The following LHX8 variants were observed in gnomAD, a reference collection of about 807,000 sequenced individuals.
The protein encoded by LHX8 is LIM homeobox 8.
Under a neutral mutation model 40.3 loss-of-function variants are expected in LHX8, and 12 were observed. The observed-to-expected ratio is 0.30, with a 90% CI of 0.19 to 0.48. LHX8 has a LOEUF of 0.48. Ranked by LOEUF, LHX8 falls within the 20% of genes least tolerant of loss-of-function variation. The pLI, the probability that LHX8 is intolerant of heterozygous loss-of-function variation, is 0.99. For missense variants in LHX8, 344 were observed against 433.7 expected (o/e 0.79, Z 1.84); for synonymous variants, 179 against 162.0 (o/e 1.10, Z -0.80).
chr1:75,134,017 T>C (rs1648042992), upstream of LHX8, among the ~76,000 whole-genome samples: 1 of 151,968 alleles, frequency 6.6e-6, no homozygotes, highest in Admixed American at 6.6e-5. Context: ...TGACTAAAAC[T>C]TTCAAGTCAC....
chr1:75,195,304 A>G, the LHX8 span, among the ~76,000 whole-genome samples: 2 of 152,130 alleles, frequency 1.3e-5, no homozygotes, highest in African/African-American at 2.4e-5. Context: ...TAGCAAGTGT[A>G]TAGATTATAC....
the LHX8 span, among the ~76,000 whole-genome samples, chr1:75,175,749 T>C: frequency 6.6e-6 from 1 of 152,102 alleles, no homozygotes; most frequent in African/African-American, 2.4e-5. Flanking sequence ...TGTATACATG[T>C]TCTGTGTTGG....
intron 6 of LHX8, among the ~76,000 whole-genome samples, chr1:75,146,123 G>A (rs993985086): frequency 3.3e-5 from 5 of 152,044 alleles, no homozygotes; most frequent in African/African-American, 1.2e-4. Flanking sequence ...TAATAAATCG[G>A]TATCCTTATT....
chr1:75,181,936 C>T, the LHX8 span, among the ~76,000 whole-genome samples: 2 of 152,102 alleles, frequency 1.3e-5, no homozygotes, highest in Non-Finnish European at 2.9e-5. Flanking sequence ...AATTTTCTCC[C>T]ATTCTGTGTG....
upstream of LHX8, among the ~76,000 whole-genome samples, chr1:75,129,484 G>C (rs1647907959): frequency 6.6e-6 from 1 of 152,162 alleles, no homozygotes; most frequent in South Asian, 2.1e-4. Context: ...ACCGGAGGTG[G>C]AAGTGTTGCT....
chr1:75,163,581 G>A (rs1648974052), downstream of LHX8, among the ~76,000 whole-genome samples: 1 of 152,026 alleles, frequency 6.6e-6, no homozygotes, highest in Non-Finnish European at 1.5e-5. Flanking sequence ...ATATTTAGAT[G>A]GATCTGAGTC....
At chr1:75,184,467 T>G in the LHX8 span, among the ~76,000 whole-genome samples, 4 of 151,976 alleles carry the variant, frequency 2.6e-5, no homozygotes, top group Admixed American at 2.0e-4. Flanking sequence ...CTAAAAAAAT[T>G]TATCAAAACC....
the LHX8 span, among the ~76,000 whole-genome samples, chr1:75,177,321 C>A: frequency 6.6e-6 from 1 of 152,114 alleles, no homozygotes; most frequent in Non-Finnish European, 1.5e-5. Context: ...GAATGTTCTT[C>A]CATTTGTTTG....
chr1:75,150,141 G>A (rs1648566616), intron 7 of LHX8, among the ~76,000 whole-genome samples: 1 of 152,184 alleles, frequency 6.6e-6, no homozygotes, highest in Admixed American at 6.5e-5. Flanking sequence ...GGGAGGCTGA[G>A]GTGGGAGGGT....
At chr1:75,176,053 T>G in the LHX8 span, among the ~76,000 whole-genome samples, 1 of 152,242 alleles carries the variant, frequency 6.6e-6, no homozygotes, top group Non-Finnish European at 1.5e-5. Context: ...TGCCACATTT[T>G]CTTAATTCAG....
chr1:75,195,674 A>G, the LHX8 span, among the ~76,000 whole-genome samples: 3 of 152,016 alleles, frequency 2.0e-5, no homozygotes, highest in East Asian at 1.9e-4. Context: ...TCGGTCACTC[A>G]TCAACAATTG....
At chr1:75,198,760 A>G in the LHX8 span, among the ~76,000 whole-genome samples, 2 of 151,810 alleles carry the variant, frequency 1.3e-5, no homozygotes, top group African/African-American at 4.8e-5. Context: ...TTCCTCTTCC[A>G]CCTCCATTTC....
chr1:75,182,369 C>CTTTTTT, the LHX8 span, among the ~76,000 whole-genome samples: 2 of 92,318 alleles, frequency 2.2e-5, no homozygotes, highest in Non-Finnish European at 4.1e-5. Context: ...TGCCTATTTC[C>CTTTTTT]TTTTTTTTTT....
chr1:75,174,025 G>GA, the LHX8 span, among the ~76,000 whole-genome samples: 2,849 of 145,146 alleles, frequency 0.02, 88 homozygotes, highest in African/African-American at 0.067. Flanking sequence ...AAATCTAAAA[G>GA]AAAAAAAAAA....
the LHX8 span, among the ~76,000 whole-genome samples, chr1:75,168,680 C>T: frequency 6.6e-6 from 1 of 152,108 alleles, no homozygotes. Flanking sequence ...ATTCTGAAAT[C>T]CCTTTCTCAG....
chr1:75,167,577 C>T, the LHX8 span, among the ~76,000 whole-genome samples: 1 of 152,192 alleles, frequency 6.6e-6, no homozygotes, highest in Non-Finnish European at 1.5e-5. Context: ...ACACCCCACC[C>T]CAATGTGGGT....
chr1:75,197,739 G>A, the LHX8 span, among the ~76,000 whole-genome samples: 3 of 152,132 alleles, frequency 2.0e-5, no homozygotes, highest in East Asian at 5.8e-4. Context: ...TAGTCCTCTA[G>A]ACAGATTTGA....
chr1:75,153,511 C>T lies in LHX8; in HGVS notation c.781-3382C>T, dbSNP rs184155343. Reference sequence around the variant, plus strand: ...CACTGCAACCTCTGCCTCCTGGGCTCGAGTGATTCTCCTCCTCAGCCTCTC... The same window carrying T: ...CACTGCAACCTCTGCCTCCTGGGCTTGAGTGATTCTCCTCCTCAGCCTCTC... On this transcript the variant is annotated intron_variant, in intron 7 of 8. Coordinates refer to ENST00000356261, the MANE Select transcript of LHX8 (RefSeq NM_001256114.2). 1.5e-3 allele frequency among the ~76,000 whole-genome samples: 114 copies of T among 78,404 alleles called. 1 individual carries two copies. The highest frequency in any genetic ancestry group is 6.3e-3 in the African/African-American group (105 of 16,660). The allele number at this position is 78,404 out of a possible 152,430, so 51.4% of individuals were successfully genotyped here.
intron 7 of LHX8, among the ~76,000 whole-genome samples, chr1:75,154,262 A>G (rs1399118773): frequency 6.6e-6 from 1 of 152,002 alleles, no homozygotes; most frequent in Non-Finnish European, 1.5e-5. Context: ...TAGTTACATG[A>G]TACTTTGTTT....
Sources: gnomAD v4.1 joint callset for allele counts (sites outside exome capture counted in the v4.1 genomes callset) on GRCh38, gnomAD v4.1.1 for gene constraint, MANE v1.5 for transcripts, NCBI Gene and HGNC (gene_info 2026-07-23, HGNC 2026-07-21) for gene names.